The following MARCHF1 variants were observed in gnomAD, a reference collection of about 807,000 sequenced individuals.
MARCHF1 encodes the protein membrane associated ring-CH-type finger 1.
In MARCHF1, 40 loss-of-function variants were observed where a neutral mutation model predicts 54.2. The observed-to-expected ratio is 0.74, with a 90% CI of 0.57 to 0.96. The LOEUF is 0.96. Ranked by LOEUF, MARCHF1 falls within the 40% of genes least tolerant of loss-of-function variation. MARCHF1 has a pLI of 0.00. For synonymous variants in MARCHF1, 236 were observed against 236.3 expected (o/e 1.00, Z 0.01); for missense variants, 586 against 656.5 (o/e 0.89, Z 1.17).
chr4:163,596,525 G>T (rs1438279117), intron 7 of MARCHF1, among the ~76,000 whole-genome samples: 3 of 117,430 alleles, frequency 2.6e-5, no homozygotes, highest in Admixed American at 1.1e-4. Flanking sequence ...GGGCGACAGT[G>T]TGAGGCTGTC....
chr4:163,750,942 GA>G (rs34077354), intron 4 of MARCHF1, among the ~76,000 whole-genome samples: 4 of 151,766 alleles, frequency 2.6e-5, no homozygotes, highest in African/African-American at 4.8e-5. Context: ...AGATGTAAAG[GA>G]AAAAAATTAT....
chr4:164,200,889 T>C (rs1436117196), intron 1 of MARCHF1, among the ~76,000 whole-genome samples: 1 of 152,130 alleles, frequency 6.6e-6, no homozygotes, highest in African/African-American at 2.4e-5. Context: ...AGCTAAGATC[T>C]AGTAAGGATC....
rs34885496 is a variant in MARCHF1 at position 163,590,057 on chromosome 4, G to GGTGT, written c.1011-4132_1011-4129dup. ...TGCAGCAAATTAAATTTTAGATTTT[G>GGTGT]GTGTGTGTGTGTGTGTGTGTGTGTG... On this transcript the variant is annotated intron_variant, in intron 7 of 9. Coordinates refer to ENST00000514618, the MANE Select transcript of MARCHF1 (RefSeq NM_001394959.1). Among the ~76,000 whole-genome samples the GGTGT allele has an allele frequency of 3.8e-3, 551 of 146,236 alleles. 6 individuals carry two copies. The highest frequency in any genetic ancestry group is 0.022 in the East Asian group (109 of 4,976).
intron 1 of MARCHF1, among the ~76,000 whole-genome samples, chr4:164,302,560 TA>T (rs1256213833): frequency 1.3e-5 from 2 of 152,170 alleles, no homozygotes; most frequent in African/African-American, 4.8e-5. Context: ...TAATACTTTT[TA>T]AATGTTTGTA....
chr4:164,364,314 C>A (rs917455432), intron 1 of MARCHF1, among the ~76,000 whole-genome samples: 1 of 151,948 alleles, frequency 6.6e-6, no homozygotes. Context: ...CCTACCAGAG[C>A]CCTTGAATAT....
Position 164,176,970 on chromosome 4 carries a change from C to CCATATATATATA in MARCHF1, c.-322-65309_-322-65308insTATATATATATG, listed in dbSNP as rs3059788. Among the ~76,000 whole-genome samples, 39 of 57,408 alleles carry CCATATATATATA rather than the reference C, an allele frequency of 6.8e-4. 8 individuals are homozygous for CCATATATATATA. The highest frequency in any genetic ancestry group is 1.5e-3 in the South Asian group (2 of 1,366). The allele number at this position is 57,408 out of a possible 152,430, so 37.7% of individuals were successfully genotyped here. A position where few individuals can be genotyped will look rare whatever the true frequency, so the allele number is the denominator to read the frequency against. On this transcript the variant is annotated intron_variant, in intron 1 of 9. Coordinates refer to ENST00000514618, the MANE Select transcript of MARCHF1 (RefSeq NM_001394959.1). ...TCTCTCTCTCTCTCTCTCTCTCTCT[C>CCATATATATATA]TCTCTCTCTCTATATATATATATAT...
At chr4:163,568,149 T>C (rs984327083) in intron 8 of MARCHF1, among the ~76,000 whole-genome samples, 2 of 152,148 alleles carry the variant, frequency 1.3e-5, no homozygotes, top group East Asian at 1.9e-4. Flanking sequence ...TATAAGTGTA[T>C]GGCTACATTG....
At chr4:163,951,973 A>C (rs1263249438) in intron 3 of MARCHF1, among the ~76,000 whole-genome samples, 1 of 152,090 alleles carries the variant, frequency 6.6e-6, no homozygotes, top group African/African-American at 2.4e-5. Flanking sequence ...CTTGTTTTTC[A>C]TTTTGTGATA....
At chr4:163,845,497 AC>A (rs1749460080) in intron 4 of MARCHF1, among the ~76,000 whole-genome samples, 1 of 150,914 alleles carries the variant, frequency 6.6e-6, no homozygotes, top group South Asian at 2.1e-4. Flanking sequence ...ACACACACAC[AC>A]ACACACGTAA....
intron 3 of MARCHF1, among the ~76,000 whole-genome samples, chr4:163,958,482 T>G (rs1342109388): frequency 6.6e-6 from 1 of 152,014 alleles, no homozygotes; most frequent in East Asian, 1.9e-4. Context: ...AATACTTTTT[T>G]TGTTACTTTT....
chr4:164,143,663 C>T (rs1004368783), intron 1 of MARCHF1, among the ~76,000 whole-genome samples: 1 of 152,100 alleles, frequency 6.6e-6, no homozygotes, highest in Non-Finnish European at 1.5e-5. Flanking sequence ...AAAAGAGCTC[C>T]TGAAAGAAGC....
At chr4:163,911,126 T>C (rs558885210) in intron 3 of MARCHF1, among the ~76,000 whole-genome samples, 2 of 152,294 alleles carry the variant, frequency 1.3e-5, no homozygotes, top group South Asian at 4.1e-4. Flanking sequence ...AGGTTTGTTA[T>C]GTGTATTGCA....
intron 5 of MARCHF1, among the ~76,000 whole-genome samples, chr4:163,616,051 A>G (rs953572241): frequency 2.0e-5 from 3 of 152,188 alleles, no homozygotes; most frequent in African/African-American, 4.8e-5. Flanking sequence ...ATCTTTCACT[A>G]TATATAAAAA....
At chr4:163,964,439 A>G (rs1752402474) in intron 3 of MARCHF1, among the ~76,000 whole-genome samples, 1 of 151,952 alleles carries the variant, frequency 6.6e-6, no homozygotes, top group Non-Finnish European at 1.5e-5. Context: ...GGAGAGCTAC[A>G]CTGCTGGGCT....
chr4:163,582,072 G>A (rs1230573016), intron 8 of MARCHF1, among the ~76,000 whole-genome samples: 1 of 152,098 alleles, frequency 6.6e-6, no homozygotes, highest in Non-Finnish European at 1.5e-5. Flanking sequence ...AGTTGGTTTC[G>A]CCCAGTCAGG....
At chr4:163,870,704 A>G (rs1750150352) in intron 3 of MARCHF1, among the ~76,000 whole-genome samples, 1 of 152,130 alleles carries the variant, frequency 6.6e-6, no homozygotes, top group Admixed American at 6.6e-5. Context: ...ATGAGCCTGG[A>G]GGACATTATG....
chr4:163,724,453 G>A (rs894273429), intron 4 of MARCHF1, among the ~76,000 whole-genome samples: 1 of 152,290 alleles, frequency 6.6e-6, no homozygotes, highest in African/African-American at 2.4e-5. Context: ...CTACTTGGGG[G>A]TCAGGGACCC....
intron 1 of MARCHF1, among the ~76,000 whole-genome samples, chr4:164,275,814 A>G (rs1733867627): frequency 6.6e-6 from 1 of 152,080 alleles, no homozygotes; most frequent in African/African-American, 2.4e-5. Context: ...ATACCAGAGG[A>G]CTCTATTTAA....
intron 1 of MARCHF1, among the ~76,000 whole-genome samples, chr4:164,196,299 CTTTA>C (rs1419189700): frequency 6.6e-6 from 1 of 151,968 alleles, no homozygotes; most frequent in Admixed American, 6.6e-5. Flanking sequence ...CCCAGGTATG[CTTTA>C]TTATTTCTTT....
Sources: gnomAD v4.1 joint callset for allele counts (sites outside exome capture counted in the v4.1 genomes callset) on GRCh38, gnomAD v4.1.1 for gene constraint, MANE v1.5 for transcripts, NCBI Gene and HGNC (gene_info 2026-07-23, HGNC 2026-07-21) for gene names.